SGCZ: variants seen among roughly 807,000 people sequenced by gnomAD.
The protein encoded by SGCZ is zeta-sarcoglycan.
A neutral mutation model predicts 41.3 loss-of-function variants in SGCZ; 40 were observed. That is an observed-to-expected ratio of 0.97 (90% CI 0.75 to 1.26). The LOEUF is 1.26. Among genes scored for constraint, SGCZ ranks in the 50% most tolerant of loss-of-function variants. SGCZ has a pLI of 0.00. For synonymous variants in SGCZ, 206 were observed against 137.5 expected (o/e 1.50, Z -3.49); for missense variants, 552 against 369.8 (o/e 1.49, Z -4.04).
chr8:15,097,041 C>T (rs2410231), intron 1 of SGCZ, among the ~76,000 whole-genome samples: 145,777 of 152,168 alleles, frequency 0.96, 70,008 homozygotes, highest in Middle Eastern at 1. Context: ...TGTCTTTAAC[C>T]CCAGGCACAA....
intron 1 of SGCZ, among the ~76,000 whole-genome samples, chr8:14,750,961 A>T (rs1291418220): frequency 1.3e-5 from 2 of 152,312 alleles, no homozygotes; most frequent in East Asian, 3.9e-4. Flanking sequence ...GGTTAATAAC[A>T]GGCTGTTCAA....
At position 14,891,836 on chromosome 8, in the gene SGCZ, T is replaced by G. The variant is rs1585354342; in HGVS notation, c.40-336910A>C. On this transcript the variant is annotated intron_variant, in intron 1 of 7. Transcript: ENST00000382080. ...CCATCACCCTCATCAGTCAGCATCTTAACATGCAGACAATATCCTCCACAA... is the reference window on the plus strand; with the variant it reads ...CCATCACCCTCATCAGTCAGCATCTGAACATGCAGACAATATCCTCCACAA... 4.6e-5 allele frequency among the ~76,000 whole-genome samples: 7 copies of G among 152,292 alleles called. 1 individual carries two copies. In the South Asian group the frequency reaches 1.4e-3, roughly 32 times the overall value.
At chr8:14,907,347 T>C (rs1427507781) in intron 1 of SGCZ, among the ~76,000 whole-genome samples, 1 of 152,056 alleles carries the variant, frequency 6.6e-6, no homozygotes, top group Non-Finnish European at 1.5e-5. Flanking sequence ...GGCACACCAC[T>C]ATGCCTGGAT....
chr8:14,987,670 C>T (rs1801868505), intron 1 of SGCZ, among the ~76,000 whole-genome samples: 1 of 151,828 alleles, frequency 6.6e-6, no homozygotes, highest in Non-Finnish European at 1.5e-5. Flanking sequence ...TTCTTTGATC[C>T]TGGGCATCTT....
intron 1 of SGCZ, among the ~76,000 whole-genome samples, chr8:15,050,482 T>G (rs74778318): frequency 1.2e-3 from 188 of 152,278 alleles, no homozygotes; most frequent in African/African-American, 4.1e-3. Flanking sequence ...ATTCTGGAGT[T>G]GCTTAGAGAA....
At chr8:14,544,553 G>A (rs750776594) in intron 2 of SGCZ, among the ~76,000 whole-genome samples, 36 of 152,010 alleles carry the variant, frequency 2.4e-4, no homozygotes, top group Non-Finnish European at 4.6e-4. Context: ...CCTGGGAAAG[G>A]AATGCGTTCC....
At chr8:14,132,511 G>A (rs1039767929) in intron 5 of SGCZ, among the ~76,000 whole-genome samples, 5 of 151,974 alleles carry the variant, frequency 3.3e-5, no homozygotes, top group East Asian at 1.9e-4. Flanking sequence ...TAAACAATAC[G>A]TTCTGTTTGT....
intron 1 of SGCZ, among the ~76,000 whole-genome samples, chr8:15,106,017 G>A (rs1488483380): frequency 6.6e-6 from 1 of 151,970 alleles, no homozygotes; most frequent in Non-Finnish European, 1.5e-5. Flanking sequence ...ACTAGTTCTG[G>A]TTTTACTTCT....
intron 4 of SGCZ, among the ~76,000 whole-genome samples, chr8:14,233,501 AATT>A (rs1158643461): frequency 6.6e-6 from 1 of 150,446 alleles, no homozygotes; most frequent in Non-Finnish European, 1.5e-5. Context: ...ATTACTACAG[AATT>A]ATTATTAGTA....
intron 1 of SGCZ, among the ~76,000 whole-genome samples, chr8:15,037,132 G>C (rs938781207): frequency 1.3e-5 from 2 of 152,120 alleles, no homozygotes; most frequent in African/African-American, 4.8e-5. Context: ...GGGTTTGGCT[G>C]TGTCCCCACA....
chr8:14,675,796 A>T (rs1438803330), intron 1 of SGCZ, among the ~76,000 whole-genome samples: 1 of 152,202 alleles, frequency 6.6e-6, no homozygotes, highest in African/African-American at 2.4e-5. Context: ...AAAGATAAAA[A>T]CAAGCAAGAT....
intron 1 of SGCZ, among the ~76,000 whole-genome samples, chr8:14,831,786 ATG>A (rs369495031): frequency 5.4e-5 from 8 of 147,702 alleles, no homozygotes; most frequent in East Asian, 4.0e-4. Context: ...ACACGTATAT[ATG>A]TGTGTACACA....
intron 2 of SGCZ, among the ~76,000 whole-genome samples, chr8:14,359,121 A>AG (rs1345459666): frequency 6.6e-6 from 1 of 151,878 alleles, no homozygotes; most frequent in East Asian, 1.9e-4. Context: ...AACCTAGAGA[A>AG]ACAAAGTACA....
chr8:15,181,407 T>G (rs1210958481), intron 1 of SGCZ, among the ~76,000 whole-genome samples: 1 of 152,150 alleles, frequency 6.6e-6, no homozygotes, highest in Non-Finnish European at 1.5e-5. Context: ...AGAGCCTAGA[T>G]ACCCAAATAA....
At position 14,613,558 on chromosome 8, in the gene SGCZ, A is replaced by G. The variant is rs1342801875; in HGVS notation, c.40-58632T>C. 2.0e-5 allele frequency among the ~76,000 whole-genome samples: 3 copies of G among 152,186 alleles called. No individual in the cohort carries two copies. The East Asian group carries it at 5.8e-4, about 29-fold the overall frequency. On this transcript the variant is annotated intron_variant, in intron 1 of 7. Coordinates refer to ENST00000382080, the MANE Select transcript of SGCZ (RefSeq NM_139167.4). ...TCCTACTTGTATAACAAGAGCTGATAAATTCTTTCTTCCTATGCTCAATCA... is the reference window on the plus strand; with the variant it reads ...TCCTACTTGTATAACAAGAGCTGATGAATTCTTTCTTCCTATGCTCAATCA...
chr8:15,037,576 T>C (rs911772733), intron 1 of SGCZ, among the ~76,000 whole-genome samples: 55 of 152,140 alleles, frequency 3.6e-4, no homozygotes, highest in Non-Finnish European at 6.3e-4. Context: ...AGAGAGAATG[T>C]CCACTCTCAC....
Position 15,205,283 on chromosome 8 carries a change from G to T in SGCZ, c.39+32302C>A, listed in dbSNP as rs567413032. On this transcript the variant is annotated intron_variant, in intron 1 of 7. Coordinates refer to ENST00000382080, the MANE Select transcript of SGCZ (RefSeq NM_139167.4). ...GATGTAATTAAGTTTAAAAGATTTT[G>T]CACAGAAAAAGGAACTATCAACAGA... Among the ~76,000 whole-genome samples, 332 of 152,264 alleles carry T rather than the reference G, an allele frequency of 2.2e-3. 1 individual carries two copies. The highest frequency in any genetic ancestry group is 4.0e-3 in the Non-Finnish European group (274 of 68,010).
At chr8:14,166,981 A>G (rs1563163533) in intron 4 of SGCZ, among the ~76,000 whole-genome samples, 1 of 152,150 alleles carries the variant, frequency 6.6e-6, no homozygotes, top group African/African-American at 2.4e-5. Context: ...TGCAGACTAC[A>G]CTTTATTCAT....
intron 1 of SGCZ, among the ~76,000 whole-genome samples, chr8:15,016,859 T>C: frequency 6.6e-6 from 1 of 152,154 alleles, no homozygotes; most frequent in South Asian, 2.1e-4. Context: ...TGAACAGCCA[T>C]GTCATTTGGC....
Sources: gnomAD v4.1 joint callset for allele counts (sites outside exome capture counted in the v4.1 genomes callset) on GRCh38, gnomAD v4.1.1 for gene constraint, MANE v1.5 for transcripts, NCBI Gene and HGNC (gene_info 2026-07-23, HGNC 2026-07-21) for gene names.